Variants in ZBTB20 observed in about 807,000 individuals in gnomAD.
ZBTB20 encodes zinc finger and BTB domain containing 20.
A neutral mutation model predicts 56.9 loss-of-function variants in ZBTB20; 9 were observed. The ratio of observed to expected loss-of-function variants is 0.16; its 90% CI spans 0.10 to 0.28. ZBTB20 has a LOEUF of 0.28. ZBTB20 is among the 10% of genes least tolerant of loss of function. The probability of loss-of-function intolerance (pLI) is 1.00; values close to 1 mark genes in which losing one functional copy is unlikely to be tolerated. For synonymous variants in ZBTB20, 417 were observed against 420.7 expected, an observed-to-expected ratio of 0.99 and a Z score of 0.11; for missense variants, 655 against 1,003.0, an observed-to-expected ratio of 0.65 and a Z score of 4.69.
chr3:114,556,072 AAAAACT>A (rs1173592731), intron 6 of ZBTB20, among the ~76,000 whole-genome samples: 2 of 152,136 alleles, frequency 1.3e-5, no homozygotes, highest in Admixed American at 6.6e-5. Flanking sequence ...ATTAGCAATT[AAAAACT>A]AAACAGGGTA....
chr3:114,944,827 A>G (rs1234612232), intron 3 of ZBTB20, among the ~76,000 whole-genome samples: 1 of 144,262 alleles, frequency 6.9e-6, no homozygotes, highest in Non-Finnish European at 1.5e-5. Context: ...TGAGTGTTGG[A>G]TGGTGATGAA....
At chr3:114,355,551 A>G (rs1316050049) in intron 10 of ZBTB20, among the ~76,000 whole-genome samples, 1 of 152,146 alleles carries the variant, frequency 6.6e-6, no homozygotes, top group Non-Finnish European at 1.5e-5. Flanking sequence ...TTCCTTTCCC[A>G]GGCTTTCTTT....
At chr3:114,850,170 G>A (rs150333486) in intron 4 of ZBTB20, among the ~76,000 whole-genome samples, 2,080 of 152,248 alleles carry the variant, frequency 0.014, 17 homozygotes, top group Middle Eastern at 0.024. Flanking sequence ...AAAGTGCTGG[G>A]ATTACAGGTG....
intron 4 of ZBTB20, among the ~76,000 whole-genome samples, chr3:114,868,194 C>G (rs1415935706): frequency 6.6e-6 from 1 of 152,170 alleles, no homozygotes; most frequent in Non-Finnish European, 1.5e-5. Flanking sequence ...GGTATCTATG[C>G]TGATTTTTCT....
At chr3:115,043,196 A>G (rs1338086826) in intron 2 of ZBTB20, among the ~76,000 whole-genome samples, 34 of 152,158 alleles carry the variant, frequency 2.2e-4, no homozygotes, top group Admixed American at 2.2e-3. Flanking sequence ...AGAATTAATG[A>G]GCCTATTTCA....
At chr3:115,055,909 G>T (rs1387674721) in intron 2 of ZBTB20, among the ~76,000 whole-genome samples, 8 of 152,006 alleles carry the variant, frequency 5.3e-5, no homozygotes, top group African/African-American at 1.4e-4. Flanking sequence ...CATAGCTTTG[G>T]GGTAGAAAAA....
chr3:115,036,292 A>AT (rs375496836), intron 2 of ZBTB20, among the ~76,000 whole-genome samples: 31 of 150,852 alleles, frequency 2.1e-4, no homozygotes, highest in South Asian at 6.3e-4. Context: ...AAGCTTTGTG[A>AT]TTTTTTTTTC....
chr3:114,369,543 T>C lies in ZBTB20; in HGVS notation c.199+10674A>G, dbSNP rs140903822. Among the ~76,000 whole-genome samples, 793 of 152,350 alleles carry C rather than the reference T, an allele frequency of 5.2e-3. 10 individuals carry two copies. Among genetic ancestry groups the C allele is most frequent in the Non-Finnish European group, 7.8e-3 (528 of 68,032 alleles). On this transcript the variant is annotated intron_variant, in intron 10 of 11. Transcript: ENST00000675478. ...TTTAATAGTAGAACAAAGTATCGTTTGATTCAGTTGGTTCCAGATCACCAT... is the reference window on the plus strand; with the variant it reads ...TTTAATAGTAGAACAAAGTATCGTTCGATTCAGTTGGTTCCAGATCACCAT...
intron 2 of ZBTB20, among the ~76,000 whole-genome samples, chr3:114,985,038 C>T (rs2078478673): frequency 6.6e-6 from 1 of 152,038 alleles, no homozygotes; most frequent in Admixed American, 6.6e-5. Context: ...ATCCCACTAT[C>T]CACCCTATCT....
At chr3:114,793,906 G>A (rs1410510203) in intron 5 of ZBTB20, among the ~76,000 whole-genome samples, 1 of 151,972 alleles carries the variant, frequency 6.6e-6, no homozygotes, top group African/African-American at 2.4e-5. Context: ...TTTATGGAGA[G>A]GGCATCTGCT....
chr3:114,987,856 A>G (rs2078613091), intron 2 of ZBTB20, among the ~76,000 whole-genome samples: 1 of 152,158 alleles, frequency 6.6e-6, no homozygotes, highest in African/African-American at 2.4e-5. Context: ...AGTCAGGTAC[A>G]ACATGTTGAA....
chr3:114,740,147 T>A lies in ZBTB20; in HGVS notation c.-342-46572A>T, dbSNP rs576671601. Among the ~76,000 whole-genome samples the A allele has an allele frequency of 5.3e-5, 8 of 152,320 alleles. No individual in the cohort carries two copies. In the East Asian group the frequency reaches 1.5e-3, roughly 29 times the overall value. On this transcript the variant is annotated intron_variant, in intron 5 of 11. Coordinates refer to ENST00000675478, the MANE Select transcript of ZBTB20 (RefSeq NM_001348800.3). ...AATCCATTTTAAGGTTTGGTATTAA[T>A]ATAGACATGAGAAATAAAATATAAC...
intron 4 of ZBTB20, among the ~76,000 whole-genome samples, chr3:114,895,981 T>C (rs980561805): frequency 6.6e-6 from 1 of 152,072 alleles, no homozygotes; most frequent in African/African-American, 2.4e-5. Context: ...AGCATGAGAT[T>C]TACAATCCAG....
intron 3 of ZBTB20, among the ~76,000 whole-genome samples, chr3:114,949,017 C>T (rs2076977387): frequency 6.9e-6 from 1 of 145,704 alleles, no homozygotes; most frequent in Admixed American, 6.6e-5. Context: ...TTTACACTAC[C>T]AGATATTAAG....
At chr3:114,865,303 C>T (rs938888306) in intron 4 of ZBTB20, among the ~76,000 whole-genome samples, 4 of 152,088 alleles carry the variant, frequency 2.6e-5, no homozygotes, top group Non-Finnish European at 2.9e-5. Context: ...ATGTAGGAAA[C>T]ATTTCTCCAG....
chr3:114,795,450 T>C lies in ZBTB20; in HGVS notation c.-343+5651A>G, dbSNP rs573932199. ...TTGCTCTGGCCACTCTGAAGTCCTTTTAGTTCTTTGAATACAGAAAGTCTG... is the reference window on the plus strand; with the variant it reads ...TTGCTCTGGCCACTCTGAAGTCCTTCTAGTTCTTTGAATACAGAAAGTCTG... On this transcript the variant is annotated intron_variant, in intron 5 of 11. Transcript: ENST00000675478. Among the ~76,000 whole-genome samples the C allele has an allele frequency of 6.6e-5, 10 of 152,224 alleles. No individual in the cohort carries two copies. The East Asian group carries it at 1.9e-3, about 29-fold the overall frequency.
chr3:114,924,878 A>G (rs1476689726), intron 3 of ZBTB20, among the ~76,000 whole-genome samples: 1 of 151,650 alleles, frequency 6.6e-6, no homozygotes, highest in Non-Finnish European at 1.5e-5. Flanking sequence ...TTTAAGTTCA[A>G]TGACTTTTCC....
At chr3:114,445,327 C>G (rs995229600) in intron 7 of ZBTB20, among the ~76,000 whole-genome samples, 3 of 152,094 alleles carry the variant, frequency 2.0e-5, no homozygotes, top group Non-Finnish European at 2.9e-5. Context: ...AATTTTGCAC[C>G]CAGCTATAGG....
intron 2 of ZBTB20, among the ~76,000 whole-genome samples, chr3:115,039,693 TAAAAAGTTGTTCA>T (rs1258705732): frequency 6.6e-6 from 1 of 152,098 alleles, no homozygotes; most frequent in African/African-American, 2.4e-5. Flanking sequence ...AGCAAAGTAT[TAAAAAGTTGTTCA>T]TTTTCCCAAT....
Sources: allele counts gnomAD v4.1 joint callset (sites outside exome capture counted in the v4.1 genomes callset), GRCh38; gene constraint gnomAD v4.1.1; transcripts MANE v1.5; gene names NCBI Gene and HGNC (gene_info 2026-07-23, HGNC 2026-07-21).